Variants in RNF126 observed in about 807,000 individuals in gnomAD.
The protein encoded by RNF126 is E3 ubiquitin-protein ligase RNF126.
In RNF126, 20 loss-of-function variants were observed where a neutral mutation model predicts 41.9. That is an observed-to-expected ratio of 0.48 (90% confidence interval 0.34 to 0.69). The LOEUF (loss-of-function observed/expected upper bound fraction) is 0.69, where lower values mean the gene tolerates loss of function less well. RNF126 is among the 30% of genes least tolerant of loss of function. The pLI is 0.01. For synonymous variants in RNF126, 239 were observed against 202.9 expected (o/e 1.18, Z -1.51); for missense variants, 433 against 460.6 (o/e 0.94, Z 0.55).
In RNF126 at chr19:659,202, G is replaced by C. The variant is rs2030689267; in HGVS notation, c.75+3845C>G. Among the ~76,000 whole-genome samples the C allele has an allele frequency of 6.6e-6, 1 of 152,176 alleles. No individual in the cohort carries two copies. Among genetic ancestry groups the C allele is most frequent in the African/African-American group, 2.4e-5 (1 of 41,430 alleles). On this transcript the variant is annotated intron_variant, in intron 1 of 8. Transcript: ENST00000292363. The surrounding 1 kb of genome is among the most constrained non-coding windows in gnomAD (Gnocchi z 4.9). ...ACAGAGCAAGCAGCGGCCAGAGACAGACCCAGGCCGTCTTCTGAAGACTCG... is the reference window on the plus strand; with the variant it reads ...ACAGAGCAAGCAGCGGCCAGAGACACACCCAGGCCGTCTTCTGAAGACTCG...
At chr19:661,567 C>T (rs1600645079) in intron 1 of RNF126, among the ~76,000 whole-genome samples, 1 of 152,242 alleles carries the variant, frequency 6.6e-6, no homozygotes, top group East Asian at 1.9e-4. Flanking sequence ...AGAGAGGAAA[C>T]CACACCTCTC....
At chr19:656,451 C>T (rs1487891392) in intron 1 of RNF126, among the ~76,000 whole-genome samples, 3 of 151,986 alleles carry the variant, frequency 2.0e-5, no homozygotes, top group Non-Finnish European at 4.4e-5. Context: ...GTTAGGAGTT[C>T]GAGACCAGCC....
chr19:653,197 C>T (rs1392421123), intron 1 of RNF126, among the ~76,000 whole-genome samples: 2 of 152,168 alleles, frequency 1.3e-5, no homozygotes, highest in African/African-American at 4.8e-5. Flanking sequence ...ACGGGCGTCA[C>T]CAGTGCCTGG....
At chr19:650,025 G>C (rs895793306) in intron 5 of RNF126, among the ~76,000 whole-genome samples, 13 of 147,920 alleles carry the variant, frequency 8.8e-5, no homozygotes, top group Admixed American at 1.3e-4. Flanking sequence ...GCTGGGGATG[G>C]GGACAGGCAC....
intron 2 of RNF126, 196 bp from the exon 3 acceptor site, chr19:652,492 C>CGG: frequency 1.7e-6 from 1 of 601,814 alleles, no homozygotes; most frequent in Non-Finnish European, 2.9e-6. Flanking sequence ...TCTCGATAAA[C>CGG]CGGTGCAGAC....
Position 648,161 on chromosome 19 carries a change from C to CGAGCTG in RNF126, c.897_902dup (p.Ser300_Ser301dup), listed in dbSNP as rs749990025. The CGAGCTG allele has an allele frequency of 1.9e-6, 3 of 1,601,226 alleles. No individual in the cohort carries two copies. Among genetic ancestry groups the CGAGCTG allele is most frequent in the Non-Finnish European group, 2.6e-6 (3 of 1,172,004 alleles). ...TGCTTGTGGCGTTCTCGTTGCTGGG[C>CGAGCTG]GAGCTGGAGGAGGACGATGACGACG... is the stretch of plus-strand genomic sequence containing the variant. On this transcript the variant is annotated inframe_insertion, in exon 9 of 9. Transcript: ENST00000292363.
rs1298267559 is a variant in RNF126, at chr19:648,870, G to A, written c.670+12C>T. The A allele has an allele frequency of 1.4e-6, 2 of 1,434,060 alleles. No individual in the cohort carries two copies. The highest frequency in any genetic ancestry group is 1.8e-6 in the Non-Finnish European group (2 of 1,082,448). The allele number at this position is 1,434,060 out of a possible 1,614,324, so 88.8% of individuals were successfully genotyped here. On this transcript the variant is annotated intron_variant, in intron 7 of 8. Coordinates refer to ENST00000292363, the MANE Select transcript of RNF126 (RefSeq NM_194460.3). ...TGTAATTCCCACTACTCGGGAGGCT[G>A]AGCTCTCATACCTACGTGCTCCTCA...
chr19:660,118 G>A (rs2030733317), intron 1 of RNF126, among the ~76,000 whole-genome samples: 1 of 152,222 alleles, frequency 6.6e-6, no homozygotes. Flanking sequence ...CGTCGCCTGA[G>A]CCCCCGACCG....
chr19:659,250 G>A lies in RNF126; in HGVS notation c.75+3797C>T, dbSNP rs939481506. The stretch of plus-strand genomic sequence containing the variant: ...TCGGGCCAGGCCGCCGCAGGGACCA[G>A]GAGAAGACAGGGTGGGCCGGGGGGC... On this transcript the variant is annotated intron_variant, in intron 1 of 8. Coordinates refer to ENST00000292363, the MANE Select transcript of RNF126 (RefSeq NM_194460.3). This position sits in a 1 kb window ranked among gnomAD's most constrained non-coding sequence, Gnocchi z 4.9. Among the ~76,000 whole-genome samples, 12 of 152,146 alleles carry A rather than the reference G, an allele frequency of 7.9e-5. No individual in the cohort carries two copies. Among genetic ancestry groups the A allele is most frequent in the African/African-American group, 2.9e-4 (12 of 41,440 alleles).
rs2030077102 is a variant in RNF126 at position 648,358 on chromosome 19, G to A, written c.786+14C>T. ...CGCGGTCGGGGTGGGGGGGCGGGTG[G>A]GCGGGGCACTCACCTGCTCCAGCCA... On this transcript the variant is annotated intron_variant, in intron 8 of 8. Transcript: ENST00000292363. The A allele has an allele frequency of 4.3e-6, 3 of 699,960 alleles. No homozygotes were observed. Among genetic ancestry groups the A allele is most frequent in the African/African-American group, 3.8e-5 (2 of 52,150 alleles). The allele number at this position is 699,960 out of a possible 1,614,324, so 43.4% of individuals were successfully genotyped here.
chr19:650,385 G>A (rs1335772635), intron 4 of RNF126, 89 bp from the exon 5 acceptor site: 6 of 1,088,094 alleles, frequency 5.5e-6, no homozygotes, highest in East Asian at 2.6e-5. Context: ...AGCACCAAGG[G>A]CAGGGCCAGC....
At chr19:657,630 A>C (rs578079974) in intron 1 of RNF126, among the ~76,000 whole-genome samples, 1 of 152,338 alleles carries the variant, frequency 6.6e-6, no homozygotes, top group Non-Finnish European at 1.5e-5. Flanking sequence ...GCCCTGTCAC[A>C]GAGGACAGCC....
Position 651,621 on chromosome 19 carries a change from TG to T in RNF126, c.432del (p.Thr145ArgfsTer79). The T allele has an allele frequency of 6.9e-7, 1 of 1,442,640 alleles. No individual in the cohort carries two copies. 89.4% of individuals were successfully genotyped at this position (1,442,640 alleles called of 1,614,324 possible). ...CCGGGGCCCCCTCACCCTTCCAGCGTGGGGACGCCTTCGTGCCGGCCGGTGG... is the reference window on the plus strand; with the variant it reads ...CCGGGGCCCCCTCACCCTTCCAGCGTGGGACGCCTTCGTGCCGGCCGGTGG... ...RRATGRHEGV[P>X]TLEGIIQQLV... On this transcript the variant is annotated frameshift_variant, in exon 4 of 9. Transcript: ENST00000292363. LOFTEE classifies it high-confidence loss of function.
Position 651,620 on chromosome 19 carries a change from G to C in RNF126, c.434C>G (p.Thr145Arg). The change falls in exon 4 of 9, where the codon ACG becomes AGG. Residue 145 changes from threonine to arginine, a missense_variant. By Grantham distance (71) the Thr-to-Arg change is moderately conservative (BLOSUM62 -1). Coordinates refer to ENST00000292363, the MANE Select transcript of RNF126 (RefSeq NM_194460.3). ...CCCGGGGCCCCCTCACCCTTCCAGC[G>C]TGGGGACGCCTTCGTGCCGGCCGGT... is the stretch of plus-strand genomic sequence containing the variant. The part of the protein sequence containing the change: ...RATGRHEGVP[T>R]LEGIIQQLVN... 6.9e-7 allele frequency: 1 copy of C among 1,441,736 alleles called. No individual in the cohort carries two copies. The highest frequency in any genetic ancestry group is 9.1e-7 in the Non-Finnish European group (1 of 1,100,878). The allele number at this position is 1,441,736 out of a possible 1,614,324, so 89.3% of individuals were successfully genotyped here.
intron 6 of RNF126, 165 bp from the exon 7 acceptor site, chr19:649,140 GC>G (rs1222219705): frequency 1.0e-5 from 3 of 287,512 alleles, no homozygotes; most frequent in East Asian, 5.4e-5. Context: ...AGCCCACGCG[GC>G]CCCCCCGCTC....
chr19:652,641 G>A (rs545930060), intron 2 of RNF126, 185 bp downstream of exon 2: 445 of 629,638 alleles, frequency 7.1e-4, no homozygotes, highest in Non-Finnish European at 9.8e-4. Flanking sequence ...CTCTGGCCCC[G>A]GCCCGGCCAT....
chr19:648,348 G>A, intron 8 of RNF126, 24 bp downstream of exon 8: 1 of 580,856 alleles, frequency 1.7e-6, no homozygotes, highest in African/African-American at 2.1e-5. Context: ...TCGGGGTGGG[G>A]GGGCGGGTGG....
chr19:658,044 A>G (rs553522324), intron 1 of RNF126, among the ~76,000 whole-genome samples: 23 of 152,044 alleles, frequency 1.5e-4, no homozygotes, highest in Admixed American at 1.2e-3. Context: ...CAGAGGCCCC[A>G]TTGGAGCCTC....
rs1286104438 is a variant in RNF126 at position 647,910 on chromosome 19, G to T, written c.*218C>A. The T allele has an allele frequency of 7.8e-6, 5 of 637,214 alleles. No individual in the cohort carries two copies. Among genetic ancestry groups the T allele is most frequent in the Non-Finnish European group, 1.4e-5 (5 of 360,634 alleles). 39.5% of individuals were successfully genotyped at this position (637,214 alleles called of 1,614,324 possible). ...GAGGGTGAGGTTAGACAGAGGACGG[G>T]GAGGCTGGGGACGCCCCAGAGGGGA... On this transcript the variant is annotated 3_prime_UTR_variant, in exon 9 of 9. Coordinates refer to ENST00000292363, the MANE Select transcript of RNF126 (RefSeq NM_194460.3).
Sources: gnomAD v4.1 joint callset for allele counts (sites outside exome capture counted in the v4.1 genomes callset) on GRCh38, gnomAD v4.1.1 for gene constraint, Gnocchi (gnomAD v3.1) non-coding constraint, MANE v1.5 for transcripts, NCBI Gene and HGNC (gene_info 2026-07-23, HGNC 2026-07-21) for gene names.